The following SLC5A7 variants were observed in gnomAD, a reference collection of about 807,000 sequenced individuals.
SLC5A7 encodes the protein solute carrier family 5 member 7, also known as high affinity choline transporter 1.
SLC5A7 carries 19 observed loss-of-function variants against 55.4 expected under a neutral mutation model. The observed-to-expected ratio is 0.34, with a 90% CI of 0.24 to 0.50. SLC5A7 has a LOEUF of 0.50. Ranked by LOEUF, SLC5A7 falls within the 20% of genes least tolerant of loss-of-function variation. SLC5A7 has a pLI of 0.98. For missense variants in SLC5A7, 506 were observed against 705.3 expected (o/e 0.72, Z 3.20); for synonymous variants, 265 against 263.7 (o/e 1.00, Z -0.05).
chr2:108,008,580 T>C lies in SLC5A7; in HGVS notation c.1011T>C (p.Leu337=). The C allele has an allele frequency of 6.8e-6, 11 of 1,613,658 alleles. No homozygotes were observed. The highest frequency in any genetic ancestry group is 1.3e-5 in the African/African-American group (1 of 74,958). Reference sequence around the variant, plus strand: ...CTGTGTATATTTCTTTCTTTGGTCTTGGTGCAGTTTCTGCTGCTGTTATGT... The same window carrying C: ...CTGTGTATATTTCTTTCTTTGGTCTCGGTGCAGTTTCTGCTGCTGTTATGT... ...LCPVYISFFG[L]GAVSAAVMSS... Residue 337 remains leucine (L), a synonymous_variant, in exon 8 of 9, where the codon CTT becomes CTC. Transcript: ENST00000264047.
chr2:108,003,108 T>A (rs547194065), intron 6 of SLC5A7, among the ~76,000 whole-genome samples: 11 of 152,310 alleles, frequency 7.2e-5, no homozygotes, highest in African/African-American at 2.6e-4. Context: ...CTTCTTTGCC[T>A]AAGGATTGTT....
In SLC5A7 at chr2:107,993,108, A is replaced by G. The variant is rs2104342884; in HGVS notation, c.429A>G (p.Ala143=). Residue 143 remains alanine, a synonymous_variant, in exon 4 of 9, where the codon GCA becomes GCG. Coordinates refer to ENST00000264047, the MANE Select transcript of SLC5A7 (RefSeq NM_021815.5). ...PALMGEMFWA[A]AIFSALGATI... ...TGATGGGAGAAATGTTCTGGGCTGC[A>G]GCAATTTTCTCTGCTTTGGGTAAGG... 4.3e-6 allele frequency: 7 copies of G among 1,614,204 alleles called. No individual in the cohort carries two copies. The highest frequency in any genetic ancestry group is 5.9e-6 in the Non-Finnish European group (7 of 1,180,026).
intron 7 of SLC5A7, 76 bp downstream of exon 7, chr2:108,006,278 C>T: frequency 6.6e-7 from 1 of 1,519,546 alleles, no homozygotes. Flanking sequence ...TGTCCCACTC[C>T]CCTCTTTCCT....
chr2:108,007,961 G>C (rs1036640524), intron 7 of SLC5A7, among the ~76,000 whole-genome samples: 1 of 152,164 alleles, frequency 6.6e-6, no homozygotes, highest in Non-Finnish European at 1.5e-5. Flanking sequence ...TCTTAACCTA[G>C]TGAAATTCTA....
At chr2:107,999,631 T>A (rs1677807624) in intron 5 of SLC5A7, among the ~76,000 whole-genome samples, 1 of 152,248 alleles carries the variant, frequency 6.6e-6, no homozygotes, top group African/African-American at 2.4e-5. Context: ...AAACTTTAAT[T>A]GCTGTGTGAG....
chr2:108,008,789 T>TTTTTTTCAAGCAG, intron 8 of SLC5A7, 107 bp downstream of exon 8: 2 of 763,204 alleles, frequency 2.6e-6, no homozygotes. Context: ...TATTCTATGT[T>TTTTTTTCAAGCAG]AAATCTGACT....
At position 108,010,218 on chromosome 2, in the gene SLC5A7, G is replaced by A. The variant is rs773703560; in HGVS notation, c.1114-14G>A. ...CACTGTGCAAAAAGCTGACACTGTG[G>A]CAATTTCTTACAGGCTTCGGACAAA... On this transcript the variant is annotated splice_polypyrimidine_tract_variant and intron_variant, in intron 8 of 8. Coordinates refer to ENST00000264047, the MANE Select transcript of SLC5A7 (RefSeq NM_021815.5). 16 of 1,606,440 alleles carry A rather than the reference G, an allele frequency of 1.0e-5. No homozygotes were observed. The South Asian group carries it at 1.6e-4, about 16-fold the overall frequency.
At chr2:108,003,240 G>A (rs1013496771) in intron 6 of SLC5A7, among the ~76,000 whole-genome samples, 2 of 152,184 alleles carry the variant, frequency 1.3e-5, no homozygotes, top group African/African-American at 4.8e-5. Context: ...ACATCATAGA[G>A]AGGATGAGAC....
chr2:108,010,058 AC>A (rs1678259359), intron 8 of SLC5A7, among the ~76,000 whole-genome samples, 173 bp from the exon 9 acceptor site: 1 of 152,102 alleles, frequency 6.6e-6, no homozygotes, highest in South Asian at 2.1e-4. Flanking sequence ...CCAGGAAGTC[AC>A]CTTGATTGTT....
intron 6 of SLC5A7, 55 bp from the exon 7 acceptor site, chr2:108,005,994 C>T: frequency 1.2e-6 from 2 of 1,602,336 alleles, no homozygotes; most frequent in East Asian, 2.2e-5. Context: ...TGCAATAAAA[C>T]TCTTTAAAAA....
intron 3 of SLC5A7, among the ~76,000 whole-genome samples, chr2:107,992,639 T>C (rs1440984189): frequency 6.6e-6 from 1 of 152,162 alleles, no homozygotes; most frequent in Non-Finnish European, 1.5e-5. Context: ...TTTTATTGAA[T>C]CTGTGCTTAT....
chr2:107,997,773 G>A (rs2104353784), intron 4 of SLC5A7, 65 bp from the exon 5 acceptor site: 1 of 1,425,822 alleles, frequency 7.0e-7, no homozygotes, highest in Non-Finnish European at 9.3e-7. Context: ...CTTTCATTAT[G>A]TCCTTATACA....
At chr2:107,990,363 A>C (rs1677407465) in intron 2 of SLC5A7, among the ~76,000 whole-genome samples, 1 of 152,214 alleles carries the variant, frequency 6.6e-6, no homozygotes, top group African/African-American at 2.4e-5. Flanking sequence ...ATCACTAATG[A>C]GCTTTGTGCT....
chr2:108,012,025 T>C lies in SLC5A7; in HGVS notation c.*1164T>C, dbSNP rs1233400156. 1 of 152,606 alleles carries C rather than the reference T, an allele frequency of 6.6e-6. No individual in the cohort carries two copies. The highest frequency in any genetic ancestry group is 1.5e-5 in the Non-Finnish European group (1 of 68,018). The allele number at this position is 152,606 out of a possible 1,614,324, so 9.5% of individuals were successfully genotyped here. A position where few individuals can be genotyped will look rare whatever the true frequency, so the allele number is the denominator to read the frequency against. ...AAAGTACATAGTGAATTTTAAAATG[T>C]AGAAGAAAGCAAAAAATAAAATAAG... On this transcript the variant is annotated 3_prime_UTR_variant, in exon 9 of 9. Transcript: ENST00000264047.
At position 108,006,166 on chromosome 2, in the gene SLC5A7, C is replaced by A; in HGVS notation, c.859C>A (p.Pro287Thr). 6.2e-7 allele frequency: 1 copy of A among 1,613,952 alleles called. No individual in the cohort carries two copies. Among genetic ancestry groups the A allele is most frequent in the Middle Eastern group, 1.7e-4 (1 of 6,056 alleles). ...AAFGCLVMAIPAILIGAIGAS... is the reference protein window; with the variant it reads ...AAFGCLVMAITAILIGAIGAS... ...TTTCGGGTGCCTGGTGATGGCCATCCCAGCCATACTCATTGGGGCCATTGG... is the reference window on the plus strand; with the variant it reads ...TTTCGGGTGCCTGGTGATGGCCATCACAGCCATACTCATTGGGGCCATTGG... The change falls in exon 7 of 9, where the codon CCA becomes ACA. Residue 287 changes from proline to threonine, a missense_variant. This residue lies in a region of SLC5A7 where 309 missense variants were observed against 478.6 expected (regional missense o/e 0.65). Transcript: ENST00000264047.
rs1252921364 is a variant in SLC5A7 at position 108,010,628 on chromosome 2, A to G, written c.1510A>G (p.Ser504Gly). The change falls in exon 9 of 9, where the codon AGT becomes GGT. Residue 504 changes from serine (S) to glycine (G), a missense_variant. Around this residue, in one of 4 missense-constraint regions of SLC5A7, gnomAD observed 137 missense variants for 143.6 expected, o/e 0.95. Transcript: ENST00000264047. The part of the protein sequence containing the change: ...ISYLAKYLFE[S>G]GTLPPKLDVF... ...CTATCTAGCCAAGTATCTATTTGAA[A>G]GTGGAACCTTGCCACCTAAATTAGA... is the stretch of plus-strand genomic sequence containing the variant. 1 of 1,613,914 alleles carries G rather than the reference A, an allele frequency of 6.2e-7. No individual in the cohort carries two copies. The highest frequency in any genetic ancestry group is 1.3e-5 in the African/African-American group (1 of 74,924).
chr2:108,005,654 A>G (rs1678081114), intron 6 of SLC5A7, among the ~76,000 whole-genome samples: 1 of 152,170 alleles, frequency 6.6e-6, no homozygotes, highest in Non-Finnish European at 1.5e-5. Flanking sequence ...GGGAAGTCCA[A>G]GATCAAGGTG....
rs1365683351 is a variant in SLC5A7 at position 107,997,823 on chromosome 2, T to A, written c.449-15T>A. Reference sequence around the variant, plus strand: ...TCTGGGCACCTTGACCACAGAACTCTCTTGTTTGTTTCAGGAGCCACCATC... The same window carrying A: ...TCTGGGCACCTTGACCACAGAACTCACTTGTTTGTTTCAGGAGCCACCATC... On this transcript the variant is annotated splice_polypyrimidine_tract_variant and intron_variant, in intron 4 of 8. Transcript: ENST00000264047. 6.2e-7 allele frequency: 1 copy of A among 1,602,034 alleles called. No homozygotes were observed. Among genetic ancestry groups the A allele is most frequent in the South Asian group, 1.1e-5 (1 of 88,574 alleles).
chr2:108,009,378 G>A (rs542344651), intron 8 of SLC5A7, among the ~76,000 whole-genome samples: 6 of 151,950 alleles, frequency 3.9e-5, no homozygotes, highest in African/African-American at 7.3e-5. Flanking sequence ...TGTGCAGAAC[G>A]TGCAGGTTTG....
Sources: gnomAD v4.1 joint callset for allele counts (sites outside exome capture counted in the v4.1 genomes callset) on GRCh38, gnomAD v4.1.1 for gene constraint, gnomAD v4.1.1 regional missense constraint, MANE v1.5 for transcripts, NCBI Gene and HGNC (gene_info 2026-07-23, HGNC 2026-07-21) for gene names.